DPP6: variants seen among roughly 807,000 people sequenced by gnomAD.
DPP6 encodes the protein dipeptidyl peptidase like 6, also known as A-type potassium channel modulatory protein DPP6.
Under a neutral mutation model 122.6 loss-of-function variants are expected in DPP6, and 69 were observed. The observed-to-expected ratio is 0.56, with a 90% CI of 0.46 to 0.69. DPP6 has a LOEUF of 0.69. Among genes scored for constraint, DPP6 ranks in the 30% least tolerant of loss-of-function variants. The pLI is 0.00. For missense variants in DPP6, 928 were observed against 1,116.9 expected, an observed-to-expected ratio of 0.83 and a Z score of 2.41; for synonymous variants, 418 against 433.1, an observed-to-expected ratio of 0.97 and a Z score of 0.43.
intron 1 of DPP6, among the ~76,000 whole-genome samples, chr7:154,321,109 C>T (rs1037594889): frequency 8.6e-5 from 13 of 151,946 alleles, no homozygotes; most frequent in South Asian, 4.2e-4. Flanking sequence ...TGGCAAAAAT[C>T]CATCTCTACA....
chr7:154,343,403 A>G (rs1466580985), intron 1 of DPP6, among the ~76,000 whole-genome samples: 3 of 152,228 alleles, frequency 2.0e-5, no homozygotes, highest in African/African-American at 4.8e-5. Flanking sequence ...ACTGAAACTG[A>G]CAGCTGCTGC....
At chr7:153,922,418 G>A (rs1166148262) in intron 1 of DPP6, among the ~76,000 whole-genome samples, 1 of 148,372 alleles carries the variant, frequency 6.7e-6, no homozygotes, top group Non-Finnish European at 1.5e-5. Context: ...AGGATCACCT[G>A]AGCCTGGGAG....
At chr7:153,913,453 G>C (rs1047457885) in intron 1 of DPP6, among the ~76,000 whole-genome samples, 1 of 152,130 alleles carries the variant, frequency 6.6e-6, no homozygotes, top group Non-Finnish European at 1.5e-5. Flanking sequence ...TCATGTTTCT[G>C]TAAGCTGCAT....
chr7:153,969,430 T>A lies in DPP6; in HGVS notation c.51+81696T>A, dbSNP rs1345275511. On this transcript the variant is annotated intron_variant, in intron 1 of 25. Transcript: ENST00000404039. ...AATTTCTCATCCTATTGCTTATTTTTAAAATTACTTTCTTTGCTTTTAAGC... is the reference window on the plus strand; with the variant it reads ...AATTTCTCATCCTATTGCTTATTTTAAAAATTACTTTCTTTGCTTTTAAGC... Among the ~76,000 whole-genome samples, 6 of 147,304 alleles carry A rather than the reference T, an allele frequency of 4.1e-5. 1 individual carries two copies. The highest frequency in any genetic ancestry group is 1.6e-4 in the African/African-American group (6 of 37,220).
At chr7:154,418,648 C>T (rs1817221401) in intron 1 of DPP6, among the ~76,000 whole-genome samples, 1 of 152,198 alleles carries the variant, frequency 6.6e-6, no homozygotes, top group African/African-American at 2.4e-5. Flanking sequence ...AACCATTCCT[C>T]TCCCTGCTCC....
chr7:154,426,947 T>C (rs1049379404), intron 1 of DPP6, among the ~76,000 whole-genome samples: 4 of 152,188 alleles, frequency 2.6e-5, no homozygotes, highest in African/African-American at 9.7e-5. Flanking sequence ...TGTAAGAGTT[T>C]CTTACCCCGC....
intron 1 of DPP6, among the ~76,000 whole-genome samples, chr7:154,329,226 A>G (rs939793709): frequency 1.3e-5 from 2 of 152,226 alleles, no homozygotes; most frequent in African/African-American, 2.4e-5. Context: ...TGCACCACAT[A>G]CAGTCCAGCA....
chr7:154,013,990 G>C (rs908359782), intron 1 of DPP6, among the ~76,000 whole-genome samples: 1 of 152,044 alleles, frequency 6.6e-6, no homozygotes, highest in Non-Finnish European at 1.5e-5. Flanking sequence ...CAACTCCCAG[G>C]CTCTCTAATC....
chr7:154,201,956 A>G lies in DPP6; in HGVS notation c.243+148893A>G, dbSNP rs182441826. ...CTTGTATCACAGAGTTACTCCAGAG[A>G]TTAAATAAGGCAGCGCATCTCAAAC... On this transcript the variant is annotated intron_variant, in intron 1 of 25. Transcript: ENST00000377770. Among the ~76,000 whole-genome samples the G allele has an allele frequency of 9.8e-5, 15 of 152,316 alleles. No homozygotes were observed. In the East Asian group the frequency reaches 2.7e-3, roughly 27 times the overall value.
chr7:154,125,478 G>A (rs924283691), intron 1 of DPP6, among the ~76,000 whole-genome samples: 3 of 152,168 alleles, frequency 2.0e-5, no homozygotes, highest in African/African-American at 7.2e-5. Flanking sequence ...ATCCTAACAT[G>A]ACCACTAAAG....
At chr7:154,467,159 T>G (rs1448333590) in intron 2 of DPP6, among the ~76,000 whole-genome samples, 1 of 152,228 alleles carries the variant, frequency 6.6e-6, no homozygotes, top group Non-Finnish European at 1.5e-5. Context: ...AATAGTATCC[T>G]AGGGCTCTCA....
chr7:154,370,146 C>A (rs1437120292), intron 1 of DPP6, among the ~76,000 whole-genome samples: 3 of 149,536 alleles, frequency 2.0e-5, no homozygotes, highest in Non-Finnish European at 4.4e-5. Context: ...TCATGCCCAG[C>A]TAATTTTTGT....
chr7:154,493,313 G>A (rs565900608), intron 3 of DPP6, among the ~76,000 whole-genome samples: 1 of 152,258 alleles, frequency 6.6e-6, no homozygotes, highest in East Asian at 1.9e-4. Flanking sequence ...AATGATGATA[G>A]GAAAGTCATT....
At chr7:153,891,188 A>AT (rs936847506) in intron 1 of DPP6, among the ~76,000 whole-genome samples, 2 of 147,594 alleles carry the variant, frequency 1.4e-5, no homozygotes, top group South Asian at 2.2e-4. Flanking sequence ...TGCCCGGCTA[A>AT]TTTTTTTGTA....
chr7:154,340,279 G>A (rs7795066), intron 1 of DPP6, among the ~76,000 whole-genome samples: 3,378 of 152,214 alleles, frequency 0.022, 129 homozygotes, highest in African/African-American at 0.077. Context: ...TTACAATCAC[G>A]AATGTTATTT....
chr7:154,200,455 G>A (rs893927378), intron 1 of DPP6, among the ~76,000 whole-genome samples: 16 of 152,242 alleles, frequency 1.1e-4, no homozygotes, highest in African/African-American at 3.6e-4. Flanking sequence ...GAGAACCGCC[G>A]GGTGGAGATT....
At chr7:153,886,534 G>GA (rs1375406593), upstream of DPP6, among the ~76,000 whole-genome samples, 4 of 152,172 alleles carry the variant, frequency 2.6e-5, no homozygotes, top group African/African-American at 9.6e-5. Flanking sequence ...GCCGCCGAGG[G>GA]ACGCGGCTGG....
intron 1 of DPP6, among the ~76,000 whole-genome samples, chr7:154,441,015 G>T (rs1311954073): frequency 6.6e-6 from 1 of 152,108 alleles, no homozygotes. Context: ...GCTGCGTAAG[G>T]CCAGACTTAC....
intron 1 of DPP6, among the ~76,000 whole-genome samples, chr7:154,391,023 C>T (rs1814570150): frequency 6.6e-6 from 1 of 152,188 alleles, no homozygotes; most frequent in Non-Finnish European, 1.5e-5. Flanking sequence ...TGGGGCGGAT[C>T]AGCCCACCTA....
Sources: allele counts gnomAD v4.1 joint callset (sites outside exome capture counted in the v4.1 genomes callset), GRCh38; gene constraint gnomAD v4.1.1; transcripts MANE v1.5; gene names NCBI Gene and HGNC (gene_info 2026-07-23, HGNC 2026-07-21).